Variants in MYADML2 observed in about 807,000 individuals in gnomAD.
MYADML2 encodes the protein myeloid-associated differentiation marker-like protein 2.
MYADML2 carries 17 observed loss-of-function variants against 16.0 expected under a neutral mutation model. That is an observed-to-expected ratio of 1.06 (90% CI 0.73 to 1.60). MYADML2 has a LOEUF of 1.60. Ranked by LOEUF, MYADML2 falls within the 40% of genes most tolerant of loss-of-function variation. The probability of loss-of-function intolerance (pLI) is 0.00; values close to 1 mark genes in which losing one functional copy is unlikely to be tolerated. For synonymous variants in MYADML2, 210 were observed against 208.1 expected, an observed-to-expected ratio of 1.01 and a Z score of -0.08; for missense variants, 422 against 437.7, an observed-to-expected ratio of 0.96 and a Z score of 0.32.
At chr17:81,941,922 T>A (rs2041308623) in intron 2 of MYADML2, 79 bp from the exon 3 acceptor site, 1 of 588,318 alleles carries the variant, frequency 1.7e-6, no homozygotes, top group African/African-American at 1.9e-5. Flanking sequence ...CCCCCAGCGC[T>A]ATAAATAGAC....
At position 81,942,453 on chromosome 17, in the gene MYADML2, G is replaced by C. The variant is rs142160394; in HGVS notation, c.-180-80C>G. 1 of 152,240 alleles carries C rather than the reference G, an allele frequency of 6.6e-6. No homozygotes were observed. Among genetic ancestry groups the C allele is most frequent in the African/African-American group, 2.4e-5 (1 of 41,424 alleles). 9.4% of individuals were successfully genotyped at this position (152,240 alleles called of 1,614,324 possible). A position where few individuals can be genotyped will look rare whatever the true frequency, so the allele number is the denominator to read the frequency against. ...CCGCTCCCCACCCTCATTCTGTCTC[G>C]TCCCTAACCTGCCTGGGGCAGAGAC... On this transcript the variant is annotated intron_variant, in intron 1 of 2. Transcript: ENST00000409745. The surrounding 1 kb of genome is among the most constrained non-coding windows in gnomAD (Gnocchi z 4.4).
chr17:81,941,623 A>G lies in MYADML2; in HGVS notation c.119T>C (p.Val40Ala). 1 of 1,549,212 alleles carries G rather than the reference A, an allele frequency of 6.5e-7. No individual in the cohort carries two copies. The highest frequency in any genetic ancestry group is 1.2e-5 in the South Asian group (1 of 84,060). ...LAFGCTTFSL[V>A]AHRGGFAGVQ... is the part of the protein sequence containing the mutation. ...GCCCGCAAAGCCACCCCGGTGGGCCACCAGGCTGAAGGTAGTGCAGCCAAA... is the reference window on the plus strand; with the variant it reads ...GCCCGCAAAGCCACCCCGGTGGGCCGCCAGGCTGAAGGTAGTGCAGCCAAA... The change falls in exon 3 of 3, where the codon GTG (valine) becomes GCG (alanine). Residue 40 changes from valine (V) to alanine (A), a missense_variant. Coordinates refer to ENST00000409745, the MANE Select transcript of MYADML2 (RefSeq NM_001145113.3).
Position 81,941,051 on chromosome 17 carries a change from C to A in MYADML2, c.691G>T (p.Val231Leu). Residue 231 changes from valine to leucine, a missense_variant, in exon 3 of 3, where the codon GTG (valine) becomes TTG (leucine). By Grantham distance (32) the Val-to-Leu change is conservative (BLOSUM62 1). Coordinates refer to ENST00000409745, the MANE Select transcript of MYADML2 (RefSeq NM_001145113.3). ...ACAGCCAGGAAGGTGTACACCACCA[C>A]CAGCCGGTCAAAGGGGCAGCCCAGG... Reference protein sequence around the residue: ...GGLGCPFDRLVVVYTFLAVLL... With the variant: ...GGLGCPFDRLLVVYTFLAVLL... 4 of 1,550,454 alleles carry A rather than the reference C, an allele frequency of 2.6e-6. No individual in the cohort carries two copies. In the South Asian group the frequency reaches 4.8e-5, roughly 18 times the overall value.
intron 2 of MYADML2, 74 bp from the exon 3 acceptor site, chr17:81,941,917 A>C (rs2041308503): frequency 4.9e-6 from 3 of 609,116 alleles, no homozygotes; most frequent in Non-Finnish European, 8.4e-6. Flanking sequence ...GGCTCCCCCC[A>C]GCGCTATAAA....
At position 81,941,092 on chromosome 17, in the gene MYADML2, A is replaced by G. The variant is rs2041298820; in HGVS notation, c.650T>C (p.Met217Thr). 6.5e-7 allele frequency: 1 copy of G among 1,550,320 alleles called. No homozygotes were observed. The highest frequency in any genetic ancestry group is 8.7e-7 in the Non-Finnish European group (1 of 1,146,964). The change falls in exon 3 of 3, where the codon ATG becomes ACG. Residue 217 changes from methionine (M) to threonine (T), a missense_variant. Physicochemically the swap from Met to Thr is moderately conservative, Grantham distance 81 (BLOSUM62 -1). Coordinates refer to ENST00000409745, the MANE Select transcript of MYADML2 (RefSeq NM_001145113.3). Reference sequence around the variant, plus strand: ...GCAGCCCAGGCCCCCTGTGTGGCCCATCACACTCAGGGCCACCACGGCCAC... The same window carrying G: ...GCAGCCCAGGCCCCCTGTGTGGCCCGTCACACTCAGGGCCACCACGGCCAC... Reference protein sequence around the residue: ...ATVAVVALSVMGHTGGLGCPF... With the variant: ...ATVAVVALSVTGHTGGLGCPF...
Position 81,940,924 on chromosome 17 carries a change from G to T in MYADML2, c.818C>A (p.Pro273His), listed in dbSNP as rs372698458. 1.2e-4 allele frequency: 179 copies of T among 1,549,254 alleles called. No homozygotes were observed. The highest frequency in any genetic ancestry group is 3.3e-4 in the Middle Eastern group (2 of 5,988). ...GGCCACCACCAGCTGGCTGTCCCAG[G>T]GACAGCTGCCCCGAGCACAGTTGGG... ...RPPNCARGSC[P>H]WDSQLVVAIF... is the part of the protein sequence containing the mutation. Residue 273 changes from proline to histidine, a missense_variant, in exon 3 of 3, where the codon CCC (proline) becomes CAC (histidine). Transcript: ENST00000409745.
intron 1 of MYADML2, among the ~76,000 whole-genome samples, chr17:81,946,236 TC>T (rs2041343552): frequency 6.6e-6 from 1 of 151,984 alleles, no homozygotes; most frequent in South Asian, 2.1e-4. Context: ...GTGCCTGTAG[TC>T]CCAGCTACTT....
In MYADML2 at chr17:81,947,227, T is replaced by C. The variant is rs2041353551; in HGVS notation, c.-349A>G. On this transcript the variant is annotated 5_prime_UTR_variant, in exon 1 of 3. It removes an upstream start codon present in the reference 5' UTR. Transcript: ENST00000409745. ...GGGACAGCTGTACTTGGGACTGGCA[T>C]CTGAAGTGGAGGACACTCTTGTGGG... is the stretch of plus-strand genomic sequence containing the variant. 6.6e-6 allele frequency: 1 copy of C among 152,192 alleles called. No individual in the cohort carries two copies. Among genetic ancestry groups the C allele is most frequent in the Non-Finnish European group, 1.5e-5 (1 of 68,044 alleles). 9.4% of individuals were successfully genotyped at this position (152,192 alleles called of 1,614,324 possible). A position where few individuals can be genotyped will look rare whatever the true frequency, so the allele number is the denominator to read the frequency against.
At position 81,941,815 on chromosome 17, in the gene MYADML2, C is replaced by G. The variant is rs1011657540; in HGVS notation, c.-74G>C. On this transcript the variant is annotated 5_prime_UTR_variant, in exon 3 of 3. Transcript: ENST00000409745. The stretch of plus-strand genomic sequence containing the variant: ...CCCTGCTGGGCCAAGGCCCCTCAGT[C>G]CTCTGCGGTAGTGGCAGGTGCCTGC... 7.1e-7 allele frequency: 1 copy of G among 1,399,014 alleles called. No homozygotes were observed. The highest frequency in any genetic ancestry group is 2.9e-5 in the Admixed American group (1 of 34,940). The allele number at this position is 1,399,014 out of a possible 1,614,324, so 86.7% of individuals were successfully genotyped here.
At chr17:81,945,252 A>C (rs2041334762) in intron 1 of MYADML2, among the ~76,000 whole-genome samples, 1 of 150,562 alleles carries the variant, frequency 6.6e-6, no homozygotes, top group African/African-American at 2.5e-5. Context: ...AAAAAAAAAA[A>C]CAATTGGCTG....
At chr17:81,946,395 T>TC (rs1253948102) in intron 1 of MYADML2, among the ~76,000 whole-genome samples, 1 of 146,354 alleles carries the variant, frequency 6.8e-6, no homozygotes, top group African/African-American at 2.6e-5. Context: ...ATGCCTGTAA[T>TC]CCCAGCACTT....
rs1233995946 is a variant in MYADML2, at chr17:81,941,389, T to C, written c.353A>G (p.Glu118Gly). 6.5e-7 allele frequency: 1 copy of C among 1,548,834 alleles called. No individual in the cohort carries two copies. Among genetic ancestry groups the C allele is most frequent in the Non-Finnish European group, 8.7e-7 (1 of 1,146,314 alleles). ...GTCCCTGGCAGCACAGCCGGCGGGC[T>C]CGGGGGAACACTCCCGCCGGGCAAA... is the stretch of plus-strand genomic sequence containing the variant. The part of the protein sequence containing the change: ...LYFARRECSP[E>G]PAGCAARDFR... Residue 118 changes from glutamate to glycine, a missense_variant, in exon 3 of 3, where the codon GAG becomes GGG. By Grantham distance (98) the Glu-to-Gly change is moderately conservative (BLOSUM62 -2). Transcript: ENST00000409745.
At chr17:81,946,679 C>A (rs1420026720) in intron 1 of MYADML2, among the ~76,000 whole-genome samples, 1 of 150,478 alleles carries the variant, frequency 6.6e-6, no homozygotes, top group Non-Finnish European at 1.5e-5. Context: ...ATAAATAAAA[C>A]AATAAATAAG....
chr17:81,941,898 A>T, intron 2 of MYADML2, 55 bp from the exon 3 acceptor site: 1 of 693,674 alleles, frequency 1.4e-6, no homozygotes, highest in Non-Finnish European at 2.3e-6. Flanking sequence ...TCTGCTGTCT[A>T]TGTGAGGCGG....
rs879884463 is a variant in MYADML2 at position 81,942,684 on chromosome 17, G to A, written c.-180-311C>T. On this transcript the variant is annotated intron_variant, in intron 1 of 2. Coordinates refer to ENST00000409745, the MANE Select transcript of MYADML2 (RefSeq NM_001145113.3). This position sits in a 1 kb window ranked among gnomAD's most constrained non-coding sequence, Gnocchi z 4.4. ...TCCTGCCTCAGCCTCCCAAGTAGCT[G>A]AGATTACAGGCGTGAGCCACCATGC... Among the ~76,000 whole-genome samples the A allele has an allele frequency of 6.6e-6, 1 of 151,906 alleles. No homozygotes were observed. The highest frequency in any genetic ancestry group is 1.5e-5 in the Non-Finnish European group (1 of 67,984).
rs1344095795 is a variant in MYADML2 at position 81,942,759 on chromosome 17, G to A, written c.-180-386C>T. ...ATAGAGACCGGGTTTCACCATGTTG[G>A]CCAGGCTGGTCTTGATCTCTTGACC... On this transcript the variant is annotated intron_variant, in intron 1 of 2. Transcript: ENST00000409745. This position sits in a 1 kb window ranked among gnomAD's most constrained non-coding sequence, Gnocchi z 4.4. Among the ~76,000 whole-genome samples the A allele has an allele frequency of 6.6e-6, 1 of 152,022 alleles. No individual in the cohort carries two copies. The highest frequency in any genetic ancestry group is 1.5e-5 in the Non-Finnish European group (1 of 68,004).
chr17:81,941,328 G>A lies in MYADML2; in HGVS notation c.414C>T (p.Leu138=). 6.5e-7 allele frequency: 1 copy of A among 1,549,448 alleles called. No homozygotes were observed. Among genetic ancestry groups the A allele is most frequent in the Non-Finnish European group, 8.7e-7 (1 of 1,146,530 alleles). Residue 138 remains leucine, a synonymous_variant, in exon 3 of 3, where the codon CTC becomes CTT. Transcript: ENST00000409745. ...RLAASVFAGL[L]FLAYAVEVAL... ...CCACCTCCACAGCGTAGGCCAGGAA[G>A]AGGAGCCCGGCGAAGACACTGGCTG...
At chr17:81,945,167 G>A (rs986435063) in intron 1 of MYADML2, among the ~76,000 whole-genome samples, 1 of 151,866 alleles carries the variant, frequency 6.6e-6, no homozygotes, top group Admixed American at 6.6e-5. Context: ...TTGGGAGGCC[G>A]AGGCAGGTAG....
chr17:81,942,874 C>G lies in MYADML2; in HGVS notation c.-180-501G>C, dbSNP rs1158694868. 6.6e-6 allele frequency among the ~76,000 whole-genome samples: 1 copy of G among 151,594 alleles called. No individual in the cohort carries two copies. The highest frequency in any genetic ancestry group is 1.5e-5 in the Non-Finnish European group (1 of 67,874). Reference sequence around the variant, plus strand: ...CCCCTCTTTTTTTTCGAGATAGGGTCTAGCTTTGTCGCTCAGGTTGGAATG... The same window carrying G: ...CCCCTCTTTTTTTTCGAGATAGGGTGTAGCTTTGTCGCTCAGGTTGGAATG... On this transcript the variant is annotated intron_variant, in intron 1 of 2. Coordinates refer to ENST00000409745, the MANE Select transcript of MYADML2 (RefSeq NM_001145113.3). The surrounding 1 kb of genome is among the most constrained non-coding windows in gnomAD (Gnocchi z 4.4).
Sources: allele counts gnomAD v4.1 joint callset (sites outside exome capture counted in the v4.1 genomes callset), GRCh38; gene constraint gnomAD v4.1.1; non-coding constraint Gnocchi (gnomAD v3.1); transcripts MANE v1.5; gene names NCBI Gene and HGNC (gene_info 2026-07-23, HGNC 2026-07-21).